The following UNC13C variants were observed in gnomAD, a reference collection of about 807,000 sequenced individuals.
UNC13C encodes the protein protein unc-13 homolog C.
In UNC13C, 174 loss-of-function variants were observed where a neutral mutation model predicts 245.4. That is an observed-to-expected ratio of 0.71 (90% CI 0.63 to 0.80). The LOEUF is 0.80. Among genes scored for constraint, UNC13C ranks in the 30% least tolerant of loss-of-function variants. UNC13C has a pLI of 0.00. For synonymous variants in UNC13C, 992 were observed against 895.1 expected (o/e 1.11, Z -1.93); for missense variants, 2,829 against 2,602.9 (o/e 1.09, Z -1.89).
chr15:54,197,656 C>A (rs2034399719), intron 4 of UNC13C, among the ~76,000 whole-genome samples: 1 of 151,978 alleles, frequency 6.6e-6, no homozygotes, highest in Admixed American at 6.6e-5. Flanking sequence ...TAAAAGGAAC[C>A]TTTAAAAATA....
At chr15:54,049,307 G>C in intron 2 of UNC13C, 1 of 522,322 alleles carries the variant, frequency 1.9e-6, no homozygotes, top group Non-Finnish European at 3.8e-6. Context: ...GAAATAAAGG[G>C]CCCTTCATAT....
At chr15:54,334,405 T>G (rs1268452928) in intron 16 of UNC13C, among the ~76,000 whole-genome samples, 1 of 152,142 alleles carries the variant, frequency 6.6e-6, no homozygotes, top group Non-Finnish European at 1.5e-5. Flanking sequence ...TCGGCAGTCA[T>G]AGTTCTGGCT....
chr15:53,999,598 A>T (rs563677956), intron 1 of UNC13C, among the ~76,000 whole-genome samples: 1 of 151,668 alleles, frequency 6.6e-6, no homozygotes, highest in African/African-American at 2.4e-5. Context: ...TCTTCATTCC[A>T]CTTGCTATGT....
chr15:54,527,200 A>T (rs2141141421), intron 25 of UNC13C, among the ~76,000 whole-genome samples: 1 of 152,292 alleles, frequency 6.6e-6, no homozygotes, highest in South Asian at 2.1e-4. Flanking sequence ...AGAAACATAG[A>T]TTGTTCCAGA....
In UNC13C at chr15:54,627,048, G is replaced by C; in HGVS notation, c.6580G>C (p.Asp2194His). 6.2e-7 allele frequency: 1 copy of C among 1,613,228 alleles called. No homozygotes were observed. Among genetic ancestry groups the C allele is most frequent in the Non-Finnish European group, 8.5e-7 (1 of 1,179,496 alleles). The part of the protein sequence containing the change: ...ILRILSQRTS[D>H]DVAKEFVRLK... Reference sequence around the variant, plus strand: ...TAGAATACTCTCTCAGAGGACCAGTGATGATGTGGCTAAAGAATTTGTAAG... The same window carrying C: ...TAGAATACTCTCTCAGAGGACCAGTCATGATGTGGCTAAAGAATTTGTAAG... The change falls in exon 33 of 33, where the codon GAT becomes CAT. Residue 2194 changes from aspartate to histidine, a missense_variant. Transcript: ENST00000260323.
intron 8 of UNC13C, among the ~76,000 whole-genome samples, chr15:54,258,883 T>G (rs1345775894): frequency 1.3e-5 from 2 of 152,192 alleles, no homozygotes; most frequent in Non-Finnish European, 2.9e-5. Context: ...GGTTAGGATC[T>G]TAGTCTGTTT....
intron 30 of UNC13C, among the ~76,000 whole-genome samples, chr15:54,603,807 G>A (rs576002623): frequency 6.6e-6 from 1 of 152,234 alleles, no homozygotes; most frequent in Non-Finnish European, 1.5e-5. Context: ...ATATTGCAGT[G>A]AGCTGAGGTC....
chr15:54,407,402 C>G (rs2040316834), intron 18 of UNC13C, among the ~76,000 whole-genome samples: 1 of 152,230 alleles, frequency 6.6e-6, no homozygotes, highest in East Asian at 1.9e-4. Flanking sequence ...TATCTAAATT[C>G]ATTAGCTAAA....
intron 3 of UNC13C, 116 bp downstream of exon 3, chr15:54,143,156 T>C (rs2032101536): frequency 1.0e-6 from 1 of 972,746 alleles, no homozygotes; most frequent in South Asian, 1.4e-5. Context: ...GTGCATGTTA[T>C]CCCAGCTTTC....
At chr15:54,269,578 C>G (rs2036632831) in intron 10 of UNC13C, among the ~76,000 whole-genome samples, 1 of 152,086 alleles carries the variant, frequency 6.6e-6, no homozygotes. Context: ...AATAATGATG[C>G]ATGTGATAAA....
At chr15:54,546,995 G>C in intron 27 of UNC13C, 150 bp downstream of exon 27, 1 of 759,576 alleles carries the variant, frequency 1.3e-6, no homozygotes, top group Non-Finnish European at 2.0e-6. Flanking sequence ...TCAAATGATA[G>C]TTTCCTATCC....
chr15:54,349,284 A>G lies in UNC13C; in HGVS notation c.4713+10795A>G, dbSNP rs1281341952. Among the ~76,000 whole-genome samples the G allele has an allele frequency of 2.0e-5, 3 of 151,650 alleles. No homozygotes were observed. The East Asian group carries it at 5.8e-4, about 29-fold the overall frequency. ...ATATTGCCATGTCTTATGTATTTTA[A>G]AGAAGAAAAATATATGAAAATTCAG... On this transcript the variant is annotated intron_variant, in intron 17 of 32. Transcript: ENST00000260323.
intron 30 of UNC13C, among the ~76,000 whole-genome samples, chr15:54,592,097 G>C (rs1898822873): frequency 1.3e-5 from 2 of 152,102 alleles, no homozygotes; most frequent in African/African-American, 4.8e-5. Context: ...CCATGTATTT[G>C]TGTGGTTTTG....
the UNC13C span, among the ~76,000 whole-genome samples, chr15:53,924,577 T>C: frequency 1.3e-5 from 2 of 152,216 alleles, no homozygotes; most frequent in African/African-American, 4.8e-5. Context: ...AATTTTAGTT[T>C]TGTGTAATAA....
chr15:54,050,936 G>T (rs1897245788), intron 2 of UNC13C: 2 of 542,736 alleles, frequency 3.7e-6, no homozygotes, highest in South Asian at 1.4e-5. Context: ...CAAGTTCCAG[G>T]AAAGCAGTGG....
intron 4 of UNC13C, among the ~76,000 whole-genome samples, chr15:54,145,596 C>T (rs1231219628): frequency 6.6e-6 from 1 of 152,174 alleles, no homozygotes; most frequent in African/African-American, 2.4e-5. Flanking sequence ...ACCATGAATA[C>T]TGTGTCTTTA....
the UNC13C span, among the ~76,000 whole-genome samples, chr15:53,865,956 T>C: frequency 1.3e-5 from 2 of 151,734 alleles, no homozygotes; most frequent in Non-Finnish European, 2.9e-5. Context: ...ACCTATACAA[T>C]AGAATAACAA....
intron 2 of UNC13C, among the ~76,000 whole-genome samples, chr15:54,021,204 A>G (rs558755186): frequency 6.6e-6 from 1 of 152,240 alleles, no homozygotes; most frequent in Non-Finnish European, 1.5e-5. Context: ...TGACAAATCT[A>G]TTCTTTCAGT....
At chr15:54,241,510 A>G (rs894760959) in intron 7 of UNC13C, among the ~76,000 whole-genome samples, 1 of 152,182 alleles carries the variant, frequency 6.6e-6, no homozygotes, top group Non-Finnish European at 1.5e-5. Flanking sequence ...TAAGTTTTGA[A>G]GTGAAAGGGG....
Sources: allele counts gnomAD v4.1 joint callset (sites outside exome capture counted in the v4.1 genomes callset), GRCh38; gene constraint gnomAD v4.1.1; transcripts MANE v1.5; gene names NCBI Gene and HGNC (gene_info 2026-07-23, HGNC 2026-07-21).